SNX29: variants seen among roughly 807,000 people sequenced by gnomAD.
The protein encoded by SNX29 is sorting nexin-29.
In SNX29, 78 loss-of-function variants were observed where a neutral mutation model predicts 102.1. That is an observed-to-expected ratio of 0.76 (90% CI 0.64 to 0.92). The LOEUF (loss-of-function observed/expected upper bound fraction) is 0.92, where lower values mean the gene tolerates loss of function less well. Among genes scored for constraint, SNX29 ranks in the 40% least tolerant of loss-of-function variants. SNX29 has a pLI of 0.00. For synonymous variants in SNX29, 580 were observed against 414.5 expected (o/e 1.40, Z -4.85); for missense variants, 1,280 against 1,061.7 (o/e 1.21, Z -2.86).
intron 14 of SNX29, among the ~76,000 whole-genome samples, chr16:12,259,835 G>A (rs370192186): frequency 2.7e-5 from 4 of 150,874 alleles, no homozygotes; most frequent in East Asian, 2.0e-4. Flanking sequence ...TTTGATGAGC[G>A]TGGTTCAGGG....
At chr16:12,241,465 CT>C (rs1031320788) in intron 14 of SNX29, among the ~76,000 whole-genome samples, 46 of 146,686 alleles carry the variant, frequency 3.1e-4, no homozygotes, top group Non-Finnish European at 2.9e-4. Context: ...CCTGGTCTAT[CT>C]TTTTTTTTTT....
chr16:12,244,245 C>G (rs2078196244), intron 14 of SNX29, among the ~76,000 whole-genome samples: 1 of 152,164 alleles, frequency 6.6e-6, no homozygotes, highest in Non-Finnish European at 1.5e-5. Flanking sequence ...GGGTTGGAGA[C>G]CCCTGCCTTA....
At chr16:12,124,569 T>C (rs1274532821) in intron 11 of SNX29, among the ~76,000 whole-genome samples, 9 of 152,202 alleles carry the variant, frequency 5.9e-5, no homozygotes, top group African/African-American at 1.2e-4. Flanking sequence ...CAGATACTTA[T>C]GTAGTTTTTA....
chr16:12,169,329 G>A (rs939207073), intron 13 of SNX29, among the ~76,000 whole-genome samples: 15 of 152,164 alleles, frequency 9.9e-5, no homozygotes, highest in African/African-American at 3.6e-4. Flanking sequence ...GGCCCCGTGA[G>A]GCTGTGACAC....
chr16:12,052,083 C>T lies in SNX29; in HGVS notation c.985C>T (p.Leu329=), dbSNP rs369466275. Residue 329 remains leucine, a synonymous_variant, in exon 8 of 21, where the codon CTG becomes TTG. Transcript: ENST00000566228. ...QSSNSWKIDS[L]SLNGEFGYQK... is the part of the protein sequence containing the mutation. ...CAGCAACTCATGGAAAATTGATTCC[C>T]TGTCTTTGAACGGGGAGTTTGGGTA... The T allele has an allele frequency of 1.7e-5, 27 of 1,613,842 alleles. No individual in the cohort carries two copies. The highest frequency in any genetic ancestry group is 2.2e-5 in the South Asian group (2 of 91,082).
At chr16:12,019,751 C>G (rs941910178) in intron 3 of SNX29, among the ~76,000 whole-genome samples, 2 of 151,046 alleles carry the variant, frequency 1.3e-5, no homozygotes, top group African/African-American at 2.4e-5. Flanking sequence ...ATTCTCTTGG[C>G]TCAGCCTCCC....
chr16:12,532,679 G>C (rs770046093), intron 20 of SNX29, among the ~76,000 whole-genome samples: 1 of 152,206 alleles, frequency 6.6e-6, no homozygotes, highest in Non-Finnish European at 1.5e-5. Flanking sequence ...GGATCACAGA[G>C]GTTACGAAGT....
intron 20 of SNX29, among the ~76,000 whole-genome samples, chr16:12,527,676 G>A (rs994368338): frequency 7.9e-5 from 12 of 152,160 alleles, no homozygotes; most frequent in African/African-American, 1.9e-4. Flanking sequence ...CACCCAGCAC[G>A]TGGGGATCCT....
intron 15 of SNX29, among the ~76,000 whole-genome samples, chr16:12,285,500 G>A (rs1329187917): frequency 6.6e-6 from 1 of 152,158 alleles, no homozygotes; most frequent in Admixed American, 6.5e-5. Flanking sequence ...CATTATAATG[G>A]CAGAGTCGCT....
chr16:12,431,464 T>G lies in SNX29; in HGVS notation c.2037+27935T>G, dbSNP rs1001575409. ...TTTTTTTTTGTTTTTGTTTTTTTGT[T>G]TTTTTTGCATTGAAGTTATTGATCC... On this transcript the variant is annotated intron_variant, in intron 18 of 20. Coordinates refer to ENST00000566228, the MANE Select transcript of SNX29 (RefSeq NM_032167.5). Among the ~76,000 whole-genome samples the G allele has an allele frequency of 1.4e-4, 21 of 151,864 alleles. No homozygotes were observed. In the South Asian group the frequency reaches 1.5e-3, roughly 11 times the overall value.
intron 20 of SNX29, among the ~76,000 whole-genome samples, chr16:12,564,692 G>C (rs193076333): frequency 2.0e-5 from 3 of 152,150 alleles, no homozygotes; most frequent in African/African-American, 4.8e-5. Context: ...CTGTTGCTTA[G>C]GCCCCAGAGC....
intron 14 of SNX29, among the ~76,000 whole-genome samples, chr16:12,274,591 C>T (rs1293414873): frequency 1.3e-5 from 2 of 150,696 alleles, no homozygotes; most frequent in Non-Finnish European, 2.9e-5. Context: ...GGACGGAGTG[C>T]AGCTATGCCA....
chr16:12,078,196 C>G (rs1056928882), intron 10 of SNX29, among the ~76,000 whole-genome samples: 2 of 145,200 alleles, frequency 1.4e-5, no homozygotes, highest in Non-Finnish European at 3.0e-5. Flanking sequence ...AAAAAAAGGC[C>G]GGGTGTGGTG....
intron 20 of SNX29, among the ~76,000 whole-genome samples, chr16:12,562,064 C>T (rs1008491529): frequency 6.7e-6 from 1 of 149,310 alleles, no homozygotes; most frequent in African/African-American, 2.4e-5. Context: ...CGTTTTCCTT[C>T]CCGTGTTTTC....
intron 15 of SNX29, among the ~76,000 whole-genome samples, chr16:12,299,989 G>A (rs1198260624): frequency 7.0e-6 from 1 of 142,714 alleles, no homozygotes; most frequent in East Asian, 2.0e-4. Context: ...TCCTGCCTCA[G>A]CCTCCTGAGT....
At position 12,005,162 on chromosome 16, in the gene SNX29, G is replaced by A. The variant is rs116167559; in HGVS notation, c.122+2119G>A. 3.9e-3 allele frequency among the ~76,000 whole-genome samples: 591 copies of A among 152,230 alleles called. 4 individuals carry two copies. Among genetic ancestry groups the A allele is most frequent in the African/African-American group, 0.013 (550 of 41,528 alleles). On this transcript the variant is annotated intron_variant, in intron 3 of 20. Coordinates refer to ENST00000566228, the MANE Select transcript of SNX29 (RefSeq NM_032167.5). Reference sequence around the variant, plus strand: ...TGTACACAAGCACTTTGTGCCTGTCGTACATTAGATTCTCAGTATATGTTT... The same window carrying A: ...TGTACACAAGCACTTTGTGCCTGTCATACATTAGATTCTCAGTATATGTTT...
At chr16:11,979,491 T>C (rs559418998) in intron 1 of SNX29, among the ~76,000 whole-genome samples, 1 of 152,312 alleles carries the variant, frequency 6.6e-6, no homozygotes, top group Admixed American at 6.5e-5. Flanking sequence ...TCCCCACTTG[T>C]GGGGTGGGTA....
At chr16:12,541,695 G>A (rs1045155648) in intron 20 of SNX29, among the ~76,000 whole-genome samples, 1 of 152,104 alleles carries the variant, frequency 6.6e-6, no homozygotes, top group Non-Finnish European at 1.5e-5. Context: ...CTACCCTGGG[G>A]CGGGAGTGGG....
intron 20 of SNX29, among the ~76,000 whole-genome samples, chr16:12,540,164 G>T (rs189773217): frequency 3.3e-5 from 5 of 152,210 alleles, no homozygotes; most frequent in African/African-American, 9.6e-5. Context: ...TTAGATCTGC[G>T]ATTCATTTTG....
Sources: allele counts gnomAD v4.1 joint callset (sites outside exome capture counted in the v4.1 genomes callset), GRCh38; gene constraint gnomAD v4.1.1; transcripts MANE v1.5; gene names NCBI Gene and HGNC (gene_info 2026-07-23, HGNC 2026-07-21).